Variants in RANBP17 observed in about 807,000 individuals in gnomAD.
RANBP17 encodes the protein RAN binding protein 17, also known as ran-binding protein 17.
RANBP17 carries 158 observed loss-of-function variants against 141.2 expected under a neutral mutation model. The observed-to-expected ratio is 1.12, with a 90% CI of 0.98 to 1.28. The LOEUF (loss-of-function observed/expected upper bound fraction) is 1.28, where lower values mean the gene tolerates loss of function less well. RANBP17 is among the 50% of genes most tolerant of loss of function. The probability of loss-of-function intolerance (pLI) is 0.00; values close to 1 mark genes in which losing one functional copy is unlikely to be tolerated. For synonymous variants in RANBP17, 430 were observed against 450.0 expected (o/e 0.96, Z 0.56); for missense variants, 1,438 against 1,290.7 (o/e 1.11, Z -1.75).
At chr5:171,292,770 GC>G (rs1295836908) in intron 25 of RANBP17, among the ~76,000 whole-genome samples, 1 of 152,220 alleles carries the variant, frequency 6.6e-6, no homozygotes, top group Non-Finnish European at 1.5e-5. Flanking sequence ...TATCGCAGCA[GC>G]CTCATCCCTG....
intron 16 of RANBP17, among the ~76,000 whole-genome samples, chr5:171,180,441 A>G (rs1254206440): frequency 6.6e-6 from 1 of 152,188 alleles, no homozygotes; most frequent in Non-Finnish European, 1.5e-5. Flanking sequence ...TGTTACCACC[A>G]TTACCAGATT....
intron 14 of RANBP17, among the ~76,000 whole-genome samples, chr5:171,057,946 G>A (rs1255385277): frequency 6.6e-6 from 1 of 152,044 alleles, no homozygotes; most frequent in Admixed American, 6.6e-5. Context: ...TTTGGGTGGG[G>A]ACACAGAGCC....
At chr5:171,112,427 CAAAA>C (rs530851926) in intron 14 of RANBP17, among the ~76,000 whole-genome samples, 1 of 149,358 alleles carries the variant, frequency 6.7e-6, no homozygotes, top group Non-Finnish European at 1.5e-5. Flanking sequence ...TCCAAACAAA[CAAAA>C]AAAAGGTAAA....
chr5:171,013,079 A>G (rs1161576794), intron 14 of RANBP17, among the ~76,000 whole-genome samples: 1 of 152,192 alleles, frequency 6.6e-6, no homozygotes, highest in Non-Finnish European at 1.5e-5. Flanking sequence ...CATTGAGTGT[A>G]TGTGTACGTT....
intron 22 of RANBP17, among the ~76,000 whole-genome samples, chr5:171,229,674 C>T (rs1225983907): frequency 1.4e-5 from 2 of 147,232 alleles, no homozygotes; most frequent in Admixed American, 1.4e-4. Context: ...GGATTACAGG[C>T]GTGAGCCACT....
Position 170,969,453 on chromosome 5 carries a change from G to A in RANBP17, c.1710+1076G>A, listed in dbSNP as rs951881127. ...CATACTATAAAATTTATATAACAGA[G>A]TGCCTTTTTAATAATCCCAGATGTG... On this transcript the variant is annotated intron_variant, in intron 14 of 27. Coordinates refer to ENST00000523189, the MANE Select transcript of RANBP17 (RefSeq NM_022897.5). 9.2e-5 allele frequency among the ~76,000 whole-genome samples: 14 copies of A among 151,934 alleles called. 1 individual carries two copies. Among genetic ancestry groups the A allele is most frequent in the South Asian group, 2.1e-4 (1 of 4,826 alleles).
At chr5:171,022,820 C>T (rs984302188) in intron 14 of RANBP17, among the ~76,000 whole-genome samples, 4 of 152,282 alleles carry the variant, frequency 2.6e-5, no homozygotes, top group African/African-American at 9.6e-5. Flanking sequence ...TGCCCCTCCC[C>T]CTGGGAGCTT....
chr5:171,122,310 G>T (rs1756098518), intron 14 of RANBP17, among the ~76,000 whole-genome samples: 1 of 152,104 alleles, frequency 6.6e-6, no homozygotes, highest in South Asian at 2.1e-4. Flanking sequence ...CGAGCATCAG[G>T]TGTCTCTAGT....
At chr5:171,016,026 A>G (rs1197409194) in intron 14 of RANBP17, among the ~76,000 whole-genome samples, 7 of 152,074 alleles carry the variant, frequency 4.6e-5, no homozygotes, top group Admixed American at 1.3e-4. Flanking sequence ...TCTCCTCTCC[A>G]GGACTTTTGC....
chr5:170,964,318 C>T (rs1467314202), intron 13 of RANBP17, among the ~76,000 whole-genome samples: 1 of 151,892 alleles, frequency 6.6e-6, no homozygotes, highest in Non-Finnish European at 1.5e-5. Context: ...TATAAACAAC[C>T]TTAGTGTCCA....
intron 24 of RANBP17, among the ~76,000 whole-genome samples, chr5:171,258,152 CA>C (rs1281027711): frequency 9.4e-5 from 14 of 149,416 alleles, no homozygotes; most frequent in South Asian, 4.2e-4. Flanking sequence ...CACACACACA[CA>C]CACACACCCC....
At chr5:171,155,314 G>A (rs1383967088) in intron 14 of RANBP17, among the ~76,000 whole-genome samples, 2 of 151,670 alleles carry the variant, frequency 1.3e-5, no homozygotes, top group African/African-American at 4.8e-5. Flanking sequence ...GATGTAGGAG[G>A]TAGAGAAAGT....
intron 14 of RANBP17, among the ~76,000 whole-genome samples, chr5:171,077,743 G>A (rs1371546276): frequency 6.6e-6 from 1 of 152,178 alleles, no homozygotes; most frequent in Non-Finnish European, 1.5e-5. Flanking sequence ...CACAGGAAAA[G>A]CACCAAGATA....
chr5:171,245,520 G>A (rs1041717588), intron 24 of RANBP17, among the ~76,000 whole-genome samples: 6 of 152,016 alleles, frequency 3.9e-5, no homozygotes, highest in Non-Finnish European at 8.8e-5. Flanking sequence ...CTCCATGTTG[G>A]TCAGGCTGGT....
intron 14 of RANBP17, among the ~76,000 whole-genome samples, chr5:171,146,139 A>C (rs779674444): frequency 6.6e-6 from 1 of 152,202 alleles, no homozygotes; most frequent in African/African-American, 2.4e-5. Context: ...GAGGTGACCA[A>C]ATAATATCCT....
intron 5 of RANBP17, among the ~76,000 whole-genome samples, chr5:170,905,555 T>C (rs1581112221): frequency 3.3e-5 from 5 of 152,226 alleles, no homozygotes; most frequent in Admixed American, 2.0e-4. Context: ...TCTTAACTTA[T>C]CACGGCCATC....
intron 14 of RANBP17, chr5:170,983,242 G>A (rs1777897570): frequency 3.0e-6 from 1 of 331,830 alleles, no homozygotes; most frequent in Admixed American, 4.7e-5. Flanking sequence ...GGAGCAGATG[G>A]AAGGTCATAG....
chr5:171,004,983 G>A (rs1389373141), intron 14 of RANBP17, among the ~76,000 whole-genome samples: 9 of 152,252 alleles, frequency 5.9e-5, no homozygotes, highest in Admixed American at 1.3e-4. Context: ...TCAGAAATAC[G>A]TTGCTGTCTG....
At chr5:171,157,525 T>A (rs914765807) in intron 14 of RANBP17, among the ~76,000 whole-genome samples, 2 of 152,232 alleles carry the variant, frequency 1.3e-5, no homozygotes, top group African/African-American at 4.8e-5. Flanking sequence ...TTGTCTTTAC[T>A]TCTTAAAAAG....
Sources: allele counts gnomAD v4.1 joint callset (sites outside exome capture counted in the v4.1 genomes callset), GRCh38; gene constraint gnomAD v4.1.1; transcripts MANE v1.5; gene names NCBI Gene and HGNC (gene_info 2026-07-23, HGNC 2026-07-21).